Variants in RBKS observed in about 807,000 individuals in gnomAD.
RBKS encodes the protein ribokinase.
Under a neutral mutation model 33.9 loss-of-function variants are expected in RBKS, and 33 were observed. The ratio of observed to expected loss-of-function variants is 0.97; its 90% CI spans 0.74 to 1.30. The LOEUF is 1.30. RBKS is among the 50% of genes most tolerant of loss of function. RBKS has a pLI of 0.00. For missense variants in RBKS, 361 were observed against 392.6 expected, an observed-to-expected ratio of 0.92 and a Z score of 0.68; for synonymous variants, 125 against 143.0, an observed-to-expected ratio of 0.87 and a Z score of 0.90.
At chr2:27,866,671 T>C (rs1397285251) in intron 1 of RBKS, among the ~76,000 whole-genome samples, 1 of 152,244 alleles carries the variant, frequency 6.6e-6, no homozygotes, top group Admixed American at 6.5e-5. Context: ...GCTATTAGGC[T>C]CATCCAGTGG....
intron 7 of RBKS, among the ~76,000 whole-genome samples, chr2:27,823,280 T>C (rs1372622782): frequency 6.6e-6 from 1 of 152,132 alleles, no homozygotes; most frequent in Non-Finnish European, 1.5e-5. Flanking sequence ...GAAAAACAGA[T>C]GTAAAAATAG....
chr2:27,788,443 C>T (rs1677447179), intron 7 of RBKS, among the ~76,000 whole-genome samples: 1 of 152,196 alleles, frequency 6.6e-6, no homozygotes. Flanking sequence ...CGGTGGCTCA[C>T]GCCTGTAATC....
chr2:27,857,414 G>T (rs1372382445), intron 2 of RBKS, among the ~76,000 whole-genome samples: 1 of 152,000 alleles, frequency 6.6e-6, no homozygotes, highest in African/African-American at 2.4e-5. Context: ...AAATTATTTC[G>T]GTAGCATGGA....
chr2:27,877,764 A>G (rs983087586), intron 1 of RBKS, among the ~76,000 whole-genome samples: 1 of 151,998 alleles, frequency 6.6e-6, no homozygotes, highest in Non-Finnish European at 1.5e-5. Context: ...GTTTCCAACT[A>G]TTTTAGCCCC....
intron 1 of RBKS, among the ~76,000 whole-genome samples, chr2:27,879,815 A>AAC (rs1247512855): frequency 1.3e-5 from 2 of 152,240 alleles, no homozygotes; most frequent in Non-Finnish European, 2.9e-5. Context: ...TGAACAGACC[A>AAC]ACAATGAGCT....
At chr2:27,886,355 A>G (rs139652261) in intron 1 of RBKS, among the ~76,000 whole-genome samples, 1 of 152,232 alleles carries the variant, frequency 6.6e-6, no homozygotes, top group Non-Finnish European at 1.5e-5. Flanking sequence ...AAGTGATACT[A>G]AAGAATAGGC....
intron 6 of RBKS, among the ~76,000 whole-genome samples, chr2:27,828,066 G>A (rs551843474): frequency 2.6e-5 from 4 of 152,294 alleles, no homozygotes; most frequent in East Asian, 1.9e-4. Flanking sequence ...GATGTATGCC[G>A]AAGTATTTGG....
chr2:27,842,759 C>T (rs1241229012), intron 5 of RBKS, among the ~76,000 whole-genome samples: 4 of 151,900 alleles, frequency 2.6e-5, no homozygotes, highest in Non-Finnish European at 5.9e-5. Flanking sequence ...AGGGTTCAAG[C>T]GATTCTCCTG....
intron 7 of RBKS, among the ~76,000 whole-genome samples, chr2:27,821,382 A>T (rs774980550): frequency 6.6e-6 from 1 of 151,852 alleles, no homozygotes; most frequent in Non-Finnish European, 1.5e-5. Context: ...TTTAGTTGTA[A>T]TTTTTTGTTG....
At chr2:27,838,391 G>A (rs1573056673) in intron 5 of RBKS, among the ~76,000 whole-genome samples, 1 of 152,058 alleles carries the variant, frequency 6.6e-6, no homozygotes, top group East Asian at 1.9e-4. Context: ...CACAATAAAA[G>A]CAAATTTTAA....
intron 1 of RBKS, among the ~76,000 whole-genome samples, chr2:27,865,725 C>T (rs1241905983): frequency 6.6e-6 from 1 of 151,732 alleles, no homozygotes; most frequent in African/African-American, 2.4e-5. Context: ...ATTTTTTCCC[C>T]TAGTATTTTA....
chr2:27,847,862 C>T (rs1384134217), intron 3 of RBKS, among the ~76,000 whole-genome samples, 172 bp downstream of exon 3: 1 of 152,160 alleles, frequency 6.6e-6, no homozygotes, highest in Non-Finnish European at 1.5e-5. Flanking sequence ...GAGGAATGTA[C>T]AGGGAAGAAT....
intron 1 of RBKS, among the ~76,000 whole-genome samples, chr2:27,888,986 G>A (rs1415210949): frequency 6.6e-6 from 1 of 152,196 alleles, no homozygotes; most frequent in African/African-American, 2.4e-5. Context: ...GTGTCTGACA[G>A]AATAGTTCTA....
At chr2:27,817,626 G>C (rs1260507036) in intron 7 of RBKS, among the ~76,000 whole-genome samples, 1 of 152,216 alleles carries the variant, frequency 6.6e-6, no homozygotes, top group Admixed American at 6.5e-5. Flanking sequence ...AGGAAGCACT[G>C]TCCCAGGGTA....
At chr2:27,827,503 T>C (rs1678334484) in intron 7 of RBKS, 64 bp downstream of exon 7, 3 of 1,397,908 alleles carry the variant, frequency 2.1e-6, no homozygotes, top group Middle Eastern at 1.9e-4. Context: ...AGGTACAGCA[T>C]CTAATTAGTT....
chr2:27,878,808 T>C lies in RBKS; in HGVS notation c.89+11449A>G, dbSNP rs1392349370. On this transcript the variant is annotated intron_variant, in intron 1 of 7. Transcript: ENST00000302188. ...GATGATGAGCATTTTTTCATGTGTC[T>C]TTTGGCTGCATAAATGTCTTCTTTT... 3.9e-5 allele frequency among the ~76,000 whole-genome samples: 6 copies of C among 152,360 alleles called. No individual in the cohort carries two copies. The East Asian group carries it at 1.2e-3, about 29-fold the overall frequency.
At chr2:27,888,864 G>A (rs151139804) in intron 1 of RBKS, among the ~76,000 whole-genome samples, 14 of 152,234 alleles carry the variant, frequency 9.2e-5, no homozygotes, top group Admixed American at 1.3e-4. Context: ...TTACAGAAAA[G>A]TTTACTTACT....
chr2:27,788,578 G>C (rs1677449640), intron 7 of RBKS, among the ~76,000 whole-genome samples: 1 of 152,142 alleles, frequency 6.6e-6, no homozygotes, highest in East Asian at 1.9e-4. Flanking sequence ...ATGGTGGCAG[G>C]CACCTGTAGT....
At chr2:27,880,327 GA>G (rs1664393074) in intron 1 of RBKS, among the ~76,000 whole-genome samples, 1 of 152,120 alleles carries the variant, frequency 6.6e-6, no homozygotes, top group Non-Finnish European at 1.5e-5. Flanking sequence ...TACTGAATGG[GA>G]AAAAGCTGGA....
Sources: allele counts gnomAD v4.1 joint callset (sites outside exome capture counted in the v4.1 genomes callset), GRCh38; gene constraint gnomAD v4.1.1; transcripts MANE v1.5; gene names NCBI Gene and HGNC (gene_info 2026-07-23, HGNC 2026-07-21).